The following IL21R variants were observed in gnomAD, a reference collection of about 807,000 sequenced individuals.
IL21R encodes interleukin-21 receptor.
IL21R carries 14 observed loss-of-function variants against 41.3 expected under a neutral mutation model. That is an observed-to-expected ratio of 0.34 (90% CI 0.22 to 0.53). The LOEUF (loss-of-function observed/expected upper bound fraction) is 0.53, where lower values mean the gene tolerates loss of function less well. Among genes scored for constraint, IL21R ranks in the 20% least tolerant of loss-of-function variants. IL21R has a pLI of 0.94. For missense variants in IL21R, 588 were observed against 681.6 expected (o/e 0.86, Z 1.53); for synonymous variants, 286 against 287.6 (o/e 0.99, Z 0.05).
chr16:27,432,380 C>T (rs1333787402), intron 2 of IL21R, among the ~76,000 whole-genome samples: 1 of 152,172 alleles, frequency 6.6e-6, no homozygotes, highest in Non-Finnish European at 1.5e-5. Flanking sequence ...CTCACTGCCT[C>T]CTGCACGCTT....
In IL21R at chr16:27,448,749, A is replaced by C; in HGVS notation, c.1083A>C (p.Ser361=). 6.2e-7 allele frequency: 1 copy of C among 1,613,584 alleles called. No individual in the cohort carries two copies. The highest frequency in any genetic ancestry group is 8.5e-7 in the Non-Finnish European group (1 of 1,180,020). Residue 361 remains serine, a synonymous_variant, in exon 9 of 9, where the codon TCA becomes TCC. Transcript: ENST00000337929. ...CGACAGCCCAGAACTCGGGGGGCTC[A>C]GCTTACAGTGAGGAGAGGGATCGGC... is the stretch of plus-strand genomic sequence containing the variant. The part of the protein sequence containing the change: ...FWPTAQNSGG[S]AYSEERDRPY...
intron 8 of IL21R, chr16:27,447,791 C>T (rs1180073543): frequency 6.6e-6 from 1 of 152,314 alleles, no homozygotes; most frequent in Non-Finnish European, 1.5e-5. Context: ...ACACATAAAC[C>T]AGGAGAGTGC....
chr16:27,404,219 C>T (rs536345885), intron 1 of IL21R, among the ~76,000 whole-genome samples: 5 of 152,214 alleles, frequency 3.3e-5, no homozygotes, highest in African/African-American at 7.2e-5. Flanking sequence ...GGAGGGTGTC[C>T]GGATCCTTAC....
At chr16:27,420,385 A>G (rs181854800) in intron 1 of IL21R, among the ~76,000 whole-genome samples, 14 of 152,314 alleles carry the variant, frequency 9.2e-5, no homozygotes, top group Admixed American at 9.1e-4. Flanking sequence ...GCAGCACGTG[A>G]CTGTATTTAA....
intron 1 of IL21R, among the ~76,000 whole-genome samples, chr16:27,416,839 A>G (rs1293982329): frequency 1.3e-5 from 2 of 152,276 alleles, no homozygotes; most frequent in Middle Eastern, 6.8e-3. Context: ...GGATCTGCCA[A>G]TGCTGGACAT....
chr16:27,404,457 G>C (rs1197921298), intron 1 of IL21R, among the ~76,000 whole-genome samples: 2 of 152,262 alleles, frequency 1.3e-5, no homozygotes, highest in South Asian at 2.1e-4. Flanking sequence ...AGAGGAGGAG[G>C]CCCATTCAAG....
At position 27,434,273 on chromosome 16, in the gene IL21R, C is replaced by T. The variant is rs559255113; in HGVS notation, c.50-74C>T. 448 of 952,482 alleles carry T rather than the reference C, an allele frequency of 4.7e-4. 12 individuals carry two copies. The South Asian group carries it at 5.5e-3, about 12-fold the overall frequency. 59.0% of individuals were successfully genotyped at this position (952,482 alleles called of 1,614,324 possible). On this transcript the variant is annotated intron_variant, in intron 2 of 8. Coordinates refer to ENST00000337929, the MANE Select transcript of IL21R (RefSeq NM_181078.3). ...CTGCACCCATTCTTCCTCCAGCCCT[C>T]GAGGGGATGGAGAGGAAGCTCTGCA...
At chr16:27,421,335 C>CAAAAAAAAAA (rs35250936) in intron 1 of IL21R, among the ~76,000 whole-genome samples, 2 of 84,196 alleles carry the variant, frequency 2.4e-5, no homozygotes, top group Non-Finnish European at 4.4e-5. Context: ...TCAATTTCTG[C>CAAAAAAAAAA]AAAAAAAAAA....
intron 1 of IL21R, 60 bp from the exon 2 acceptor site, chr16:27,429,996 G>A: frequency 7.0e-7 from 1 of 1,420,338 alleles, no homozygotes; most frequent in Non-Finnish European, 9.7e-7. Context: ...ACAGGATGAG[G>A]GGGAGGCCGG....
intron 8 of IL21R, 57 bp from the exon 9 acceptor site, chr16:27,448,477 T>G: frequency 4.0e-6 from 6 of 1,499,340 alleles, no homozygotes; most frequent in Non-Finnish European, 5.4e-6. Context: ...AAAAGAAAAA[T>G]AAACCCTCAC....
At chr16:27,428,324 G>T (rs1266074581) in intron 1 of IL21R, among the ~76,000 whole-genome samples, 5 of 152,236 alleles carry the variant, frequency 3.3e-5, no homozygotes, top group Admixed American at 1.3e-4. Context: ...CTGCCCCAGG[G>T]TTCTTTGATG....
chr16:27,439,079 A>C (rs1360473921), intron 4 of IL21R, among the ~76,000 whole-genome samples: 2 of 152,110 alleles, frequency 1.3e-5, no homozygotes, highest in Non-Finnish European at 2.9e-5. Context: ...GGGCTGGGGT[A>C]TAAGAGGTGT....
chr16:27,440,287 A>AGAGC (rs1479585420), intron 4 of IL21R, among the ~76,000 whole-genome samples: 64 of 102,668 alleles, frequency 6.2e-4, no homozygotes, highest in East Asian at 2.8e-3. Context: ...AGAGCGAGCA[A>AGAGC]GCGCGCGCCA....
intron 3 of IL21R, 88 bp downstream of exon 3, chr16:27,434,537 A>C (rs1054014528): frequency 3.6e-6 from 3 of 822,264 alleles, no homozygotes; most frequent in Non-Finnish European, 6.1e-6. Context: ...TGCACTGAGG[A>C]CCACTGTGTC....
chr16:27,405,093 C>T (rs1383036640), intron 1 of IL21R, among the ~76,000 whole-genome samples: 1 of 150,920 alleles, frequency 6.6e-6, no homozygotes, highest in Non-Finnish European at 1.5e-5. Flanking sequence ...AGTGCGGTGG[C>T]GCAATCTCAA....
At chr16:27,404,430 A>G (rs1194000760) in intron 1 of IL21R, among the ~76,000 whole-genome samples, 1 of 152,128 alleles carries the variant, frequency 6.6e-6, no homozygotes, top group Non-Finnish European at 1.5e-5. Context: ...TGGGCAGTAG[A>G]GTAGGGGGTG....
intron 1 of IL21R, among the ~76,000 whole-genome samples, chr16:27,418,908 T>A (rs202240041): frequency 3.0e-4 from 3 of 9,898 alleles, no homozygotes; most frequent in African/African-American, 8.3e-4. Flanking sequence ...CTTAAAAAAA[T>A]TTTTTTTTGT....
chr16:27,438,159 A>T (rs796727544), intron 4 of IL21R, among the ~76,000 whole-genome samples: 1 of 152,150 alleles, frequency 6.6e-6, no homozygotes, highest in Non-Finnish European at 1.5e-5. Context: ...AGCTCTGCCC[A>T]TCTGTGTGAC....
chr16:27,403,322 T>A (rs1012544904), intron 1 of IL21R: 44 of 1,163,304 alleles, frequency 3.8e-5, no homozygotes, highest in Non-Finnish European at 4.8e-5. Context: ...ACATTCCTGG[T>A]GGAGGAGCCC....
Sources: allele counts gnomAD v4.1 joint callset (sites outside exome capture counted in the v4.1 genomes callset), GRCh38; gene constraint gnomAD v4.1.1; transcripts MANE v1.5; gene names NCBI Gene and HGNC (gene_info 2026-07-23, HGNC 2026-07-21).